The following ABCA13 variants were observed in gnomAD, a reference collection of about 807,000 sequenced individuals.
The protein encoded by ABCA13 is ATP-binding cassette sub-family A member 13.
In ABCA13, 476 loss-of-function variants were observed where a neutral mutation model predicts 478.7. The observed-to-expected ratio is 0.99, with a 90% confidence interval of 0.92 to 1.07. ABCA13 has a LOEUF of 1.07. Ranked by LOEUF, ABCA13 falls within the 50% of genes least tolerant of loss-of-function variation. The pLI is 0.00. For missense variants in ABCA13, 6,060 were observed against 5,910.6 expected (o/e 1.03, Z -0.83); for synonymous variants, 2,252 against 2,158.9 (o/e 1.04, Z -1.20).
chr7:48,239,380 T>A lies in ABCA13; in HGVS notation c.1037T>A (p.Val346Asp). 6.2e-7 allele frequency: 1 copy of A among 1,613,672 alleles called. No homozygotes were observed. Among genetic ancestry groups the A allele is most frequent in the Non-Finnish European group, 8.5e-7 (1 of 1,179,682 alleles). ...GCCAAAAACTATCTTGTCCATGCAG[T>A]CAGCTGGCTGCGAGTCTACCAACAG... Reference protein sequence around the residue: ...SEAKNYLVHAVSWLRVYQQVF... With the variant: ...SEAKNYLVHADSWLRVYQQVF... Residue 346 changes from valine to aspartate, a missense_variant, in exon 9 of 62, where the codon GTC becomes GAC. By Grantham distance (152) the Val-to-Asp change is radical. This residue lies in a region of ABCA13 where 4,423 missense variants were observed against 4,309.1 expected (regional missense o/e 1.03). Coordinates refer to ENST00000435803, the MANE Select transcript of ABCA13 (RefSeq NM_152701.5).
intron 55 of ABCA13, among the ~76,000 whole-genome samples, chr7:48,566,125 C>T (rs538672803): frequency 1.3e-5 from 2 of 152,252 alleles, no homozygotes; most frequent in South Asian, 4.2e-4. Flanking sequence ...TTACAGACTG[C>T]TGATAATATA....
chr7:48,454,917 G>C, intron 42 of ABCA13, 120 bp from the exon 43 acceptor site: 1 of 1,341,290 alleles, frequency 7.5e-7, no homozygotes, highest in Non-Finnish European at 9.8e-7. Context: ...CATGGGGTGG[G>C]CCTGCGTCGC....
intron 23 of ABCA13, among the ~76,000 whole-genome samples, chr7:48,306,184 A>T (rs1420302407): frequency 6.6e-6 from 1 of 152,208 alleles, no homozygotes; most frequent in Non-Finnish European, 1.5e-5. Flanking sequence ...GTGCATTGTG[A>T]CTGCGGAGCT....
intron 32 of ABCA13, 125 bp from the exon 33 acceptor site, chr7:48,372,043 G>A (rs1812708742): frequency 1.1e-6 from 1 of 944,858 alleles, no homozygotes; most frequent in Admixed American, 2.8e-5. Context: ...GCCCTTCACA[G>A]GGCTGAATTT....
chr7:48,414,099 A>G (rs1819628224), intron 41 of ABCA13, among the ~76,000 whole-genome samples: 2 of 152,336 alleles, frequency 1.3e-5, no homozygotes, highest in African/African-American at 4.8e-5. Flanking sequence ...AAAGCAGCCT[A>G]ATAAACACAC....
In ABCA13 at chr7:48,275,939, A is replaced by C. The variant is rs761809518; in HGVS notation, c.6273A>C (p.Ser2091=). Residue 2091 remains serine (S), a synonymous_variant, in exon 17 of 62, where the codon TCA becomes TCC. Transcript: ENST00000435803. ...EMNKGIKSIN[S]MALQKITLQF... ...ACAAAGGAATCAAAAGTATAAATTC[A>C]ATGGCTCTTCAAAAGATAACTTTGC... The C allele has an allele frequency of 1.9e-6, 3 of 1,613,708 alleles. No homozygotes were observed. Among genetic ancestry groups the C allele is most frequent in the East Asian group, 4.5e-5 (2 of 44,844 alleles).
chr7:48,442,688 A>G (rs1823787557), intron 42 of ABCA13, among the ~76,000 whole-genome samples: 2 of 152,210 alleles, frequency 1.3e-5, no homozygotes, highest in African/African-American at 4.8e-5. Context: ...GTTACAACAC[A>G]GATTATTGGG....
intron 27 of ABCA13, among the ~76,000 whole-genome samples, chr7:48,324,859 G>A (rs1000112510): frequency 1.3e-5 from 2 of 152,308 alleles, no homozygotes; most frequent in Admixed American, 6.5e-5. Context: ...GTACAATGAT[G>A]CACAGTGTTT....
chr7:48,430,931 T>C (rs1305108883), intron 42 of ABCA13, among the ~76,000 whole-genome samples: 2 of 152,156 alleles, frequency 1.3e-5, no homozygotes, highest in Non-Finnish European at 2.9e-5. Flanking sequence ...CAGGTGGAAG[T>C]TTGCATGAAT....
At chr7:48,277,931 T>A (rs1796512742) in intron 17 of ABCA13, among the ~76,000 whole-genome samples, 163 bp from the exon 18 acceptor site, 1 of 152,160 alleles carries the variant, frequency 6.6e-6, no homozygotes, top group African/African-American at 2.4e-5. Flanking sequence ...AATATTGAGT[T>A]TCATCTGAAA....
At chr7:48,318,093 G>A (rs1802853414) in intron 27 of ABCA13, among the ~76,000 whole-genome samples, 1 of 152,100 alleles carries the variant, frequency 6.6e-6, no homozygotes, top group Non-Finnish European at 1.5e-5. Context: ...AAGCTTCCAA[G>A]CCTCAAATAG....
At chr7:48,393,423 G>A (rs1292411657) in intron 38 of ABCA13, among the ~76,000 whole-genome samples, 1 of 152,216 alleles carries the variant, frequency 6.6e-6, no homozygotes, top group East Asian at 1.9e-4. Context: ...GTGTGGGGAA[G>A]GGGCCCTTGG....
At chr7:48,462,930 T>C (rs1298303717) in intron 43 of ABCA13, among the ~76,000 whole-genome samples, 5 of 152,218 alleles carry the variant, frequency 3.3e-5, no homozygotes, top group African/African-American at 1.2e-4. Context: ...TTTTAATTCT[T>C]TATCTTTCCT....
chr7:48,485,721 A>C (rs1310973686), intron 47 of ABCA13, among the ~76,000 whole-genome samples: 1 of 152,170 alleles, frequency 6.6e-6, no homozygotes, highest in Admixed American at 6.5e-5. Context: ...AAGAGTAAAC[A>C]TGCATTTCGC....
intron 59 of ABCA13, among the ~76,000 whole-genome samples, chr7:48,616,368 A>G (rs1418828869): frequency 6.6e-6 from 1 of 152,084 alleles, no homozygotes; most frequent in African/African-American, 2.4e-5. Flanking sequence ...CTCGGTATGT[A>G]CTCTGCCCAT....
intron 42 of ABCA13, among the ~76,000 whole-genome samples, chr7:48,429,329 T>C (rs1024320670): frequency 2.0e-5 from 3 of 152,216 alleles, no homozygotes; most frequent in African/African-American, 7.2e-5. Flanking sequence ...TATGTTTCAA[T>C]CATTTGAGAA....
intron 32 of ABCA13, 109 bp from the exon 33 acceptor site, chr7:48,372,059 C>A: frequency 8.8e-7 from 1 of 1,133,900 alleles, no homozygotes; most frequent in Non-Finnish European, 1.2e-6. Context: ...AATTTGCAAG[C>A]AAGCAGATTT....
At chr7:48,639,224 A>G (rs915798499) in intron 59 of ABCA13, among the ~76,000 whole-genome samples, 3 of 152,224 alleles carry the variant, frequency 2.0e-5, no homozygotes, top group African/African-American at 7.2e-5. Context: ...CCAGCTACAC[A>G]TCAAGTGCTC....
In ABCA13 at chr7:48,228,759, A is replaced by T. The variant is rs1246056566; in HGVS notation, c.633-1066A>T. Among the ~76,000 whole-genome samples, 4 of 152,374 alleles carry T rather than the reference A, an allele frequency of 2.6e-5. No homozygotes were observed. In the East Asian group the frequency reaches 7.7e-4, roughly 29 times the overall value. ...ATGGAACGTATTTTGATAGTTAGTT[A>T]GCTTGATTTATAACTTAAATATTTG... On this transcript the variant is annotated intron_variant, in intron 6 of 61. Transcript: ENST00000435803.
Sources: gnomAD v4.1 joint callset for allele counts (sites outside exome capture counted in the v4.1 genomes callset) on GRCh38, gnomAD v4.1.1 for gene constraint, gnomAD v4.1.1 regional missense constraint, MANE v1.5 for transcripts, NCBI Gene and HGNC (gene_info 2026-07-23, HGNC 2026-07-21) for gene names.